The following WWP1 variants were observed in gnomAD, a reference collection of about 807,000 sequenced individuals.
WWP1 encodes NEDD4-like E3 ubiquitin-protein ligase WWP1.
In WWP1, 49 loss-of-function variants were observed where a neutral mutation model predicts 130.6. The observed-to-expected ratio is 0.38, with a 90% CI of 0.30 to 0.48. The LOEUF (loss-of-function observed/expected upper bound fraction) is 0.48, where lower values mean the gene tolerates loss of function less well. WWP1 is among the 20% of genes least tolerant of loss of function. The pLI is 0.99. For synonymous variants in WWP1, 332 were observed against 367.8 expected, an observed-to-expected ratio of 0.90 and a Z score of 1.11; for missense variants, 809 against 1,100.6, an observed-to-expected ratio of 0.74 and a Z score of 3.75.
intron 1 of WWP1, among the ~76,000 whole-genome samples, chr8:86,353,731 C>T (rs1297672349): frequency 6.6e-6 from 1 of 152,198 alleles, no homozygotes; most frequent in Admixed American, 6.5e-5. Context: ...GATCCGCCTG[C>T]CTTGGCCTTC....
At chr8:86,354,763 T>C (rs780565302) in intron 1 of WWP1, among the ~76,000 whole-genome samples, 3 of 152,124 alleles carry the variant, frequency 2.0e-5, no homozygotes, top group Non-Finnish European at 2.9e-5. Flanking sequence ...TTCTCTATAT[T>C]GTTGTGGAAG....
chr8:86,400,500 T>A (rs1807915450), intron 7 of WWP1, among the ~76,000 whole-genome samples: 1 of 152,046 alleles, frequency 6.6e-6, no homozygotes, highest in Non-Finnish European at 1.5e-5. Flanking sequence ...TGAGGAGGTA[T>A]GATTTGAGCT....
intron 16 of WWP1, among the ~76,000 whole-genome samples, chr8:86,437,783 A>G (rs1031380977): frequency 2.0e-5 from 3 of 152,202 alleles, no homozygotes; most frequent in African/African-American, 7.2e-5. Flanking sequence ...CATATTTTGT[A>G]TAATATATGT....
At chr8:86,400,830 G>T (rs1295524203) in intron 7 of WWP1, among the ~76,000 whole-genome samples, 1 of 152,152 alleles carries the variant, frequency 6.6e-6, no homozygotes, top group African/African-American at 2.4e-5. Flanking sequence ...ATGGGATAAA[G>T]GTGTGGCTGA....
chr8:86,430,795 CTCCATATATATA>C (rs1563526286), intron 12 of WWP1, 44 bp downstream of exon 12: 3 of 309,798 alleles, frequency 9.7e-6, no homozygotes, highest in South Asian at 6.2e-5. Flanking sequence ...ATATATATCT[CTCCATATATATA>C]TATATATATA....
intron 9 of WWP1, among the ~76,000 whole-genome samples, chr8:86,413,734 A>G (rs926116584): frequency 2.0e-5 from 3 of 152,226 alleles, no homozygotes; most frequent in African/African-American, 4.8e-5. Context: ...AGCAAGATAT[A>G]TAATGCTGAA....
At position 86,455,476 on chromosome 8, in the gene WWP1, G is replaced by C. The variant is rs141631701; in HGVS notation, c.2395-2445G>C. Among the ~76,000 whole-genome samples, 1,186 of 151,894 alleles carry C rather than the reference G, an allele frequency of 7.8e-3. 11 individuals carry two copies. Among genetic ancestry groups the C allele is most frequent in the Non-Finnish European group, 0.012 (811 of 67,836 alleles). On this transcript the variant is annotated intron_variant, in intron 21 of 24. Transcript: ENST00000517970. The stretch of plus-strand genomic sequence containing the variant: ...TAGAAATAATAGTGAATTTAATAAG[G>C]CATGGGTACAATGTTAATACTTTAA...
At chr8:86,436,936 A>C (rs11776698) in intron 16 of WWP1, among the ~76,000 whole-genome samples, 14 of 149,372 alleles carry the variant, frequency 9.4e-5, no homozygotes, top group Admixed American at 1.4e-4. Flanking sequence ...TGATACTTAA[A>C]CTATTATCAA....
At chr8:86,461,154 A>C (rs754713572) in intron 22 of WWP1, 70 bp from the exon 23 acceptor site, 1 of 1,358,624 alleles carries the variant, frequency 7.4e-7, no homozygotes, top group Admixed American at 1.7e-5. Context: ...AATTTCTTCA[A>C]GTGTCTACTA....
At chr8:86,408,566 C>T (rs1808404944) in intron 8 of WWP1, among the ~76,000 whole-genome samples, 1 of 152,068 alleles carries the variant, frequency 6.6e-6, no homozygotes. Context: ...CTGAATCTTC[C>T]CATTGAGAGA....
At chr8:86,412,839 T>C (rs1230003180) in intron 9 of WWP1, among the ~76,000 whole-genome samples, 2 of 152,158 alleles carry the variant, frequency 1.3e-5, no homozygotes, top group Non-Finnish European at 2.9e-5. Context: ...TCCATTATTA[T>C]TATTTTGGAG....
intron 1 of WWP1, among the ~76,000 whole-genome samples, chr8:86,362,142 T>A (rs1823679817): frequency 1.6e-5 from 2 of 123,976 alleles, no homozygotes; most frequent in Admixed American, 1.8e-4. Flanking sequence ...ATATATATAC[T>A]AGGCATATAT....
At chr8:86,389,750 C>A (rs985796400) in intron 5 of WWP1, among the ~76,000 whole-genome samples, 2 of 145,356 alleles carry the variant, frequency 1.4e-5, no homozygotes, top group South Asian at 2.2e-4. Flanking sequence ...GGCGCCCCCC[C>A]ACCCACCTCC....
At position 86,448,393 on chromosome 8, in the gene WWP1, G is replaced by A; in HGVS notation, c.2153G>A (p.Cys718Tyr). Reference sequence around the variant, plus strand: ...CCCAGAGATAACAACATTGAAGAATGTGGCTTAGAAATGTACTTTTCTGTT... The same window carrying A: ...CCCAGAGATAACAACATTGAAGAATATGGCTTAGAAATGTACTTTTCTGTT... ...IWIRDNNIEE[C>Y]GLEMYFSVDM... The change falls in exon 20 of 25, where the codon TGT (cysteine) becomes TAT (tyrosine). Residue 718 changes from cysteine (C) to tyrosine (Y), a missense_variant. Cys to Tyr is a radical substitution (Grantham distance 194). This residue lies in a region of WWP1 where 450 missense variants were observed against 674.2 expected (regional missense o/e 0.67). Coordinates refer to ENST00000517970, the MANE Select transcript of WWP1 (RefSeq NM_007013.4). 6.2e-7 allele frequency: 1 copy of A among 1,613,352 alleles called. No homozygotes were observed. Among genetic ancestry groups the A allele is most frequent in the Non-Finnish European group, 8.5e-7 (1 of 1,179,786 alleles).
chr8:86,441,578 G>A (rs937734327), intron 17 of WWP1, among the ~76,000 whole-genome samples: 2 of 152,060 alleles, frequency 1.3e-5, no homozygotes, highest in South Asian at 4.1e-4. Flanking sequence ...TAAAACACTC[G>A]ACCTGCAATC....
intron 12 of WWP1, 74 bp from the exon 13 acceptor site, chr8:86,431,331 AT>A (rs2130677498): frequency 2.5e-6 from 1 of 400,514 alleles, no homozygotes; most frequent in South Asian, 7.3e-5. Context: ...TATATTATAT[AT>A]AATTATATGT....
chr8:86,411,877 A>G lies in WWP1; in HGVS notation c.1061+3A>G. Reference sequence around the variant, plus strand: ...AACACAGAAACCTTGCCATCAGGGTATGTTAAGCTTTTTAATGTCTGACTT... The same window carrying G: ...AACACAGAAACCTTGCCATCAGGGTGTGTTAAGCTTTTTAATGTCTGACTT... On this transcript the variant is annotated splice_donor_region_variant and intron_variant, in intron 9 of 24. Coordinates refer to ENST00000517970, the MANE Select transcript of WWP1 (RefSeq NM_007013.4). 1 of 1,587,830 alleles carries G rather than the reference A, an allele frequency of 6.3e-7. No homozygotes were observed. Among genetic ancestry groups the G allele is most frequent in the South Asian group, 1.1e-5 (1 of 88,280 alleles).
At chr8:86,436,214 T>C (rs544124052) in intron 16 of WWP1, among the ~76,000 whole-genome samples, 2 of 152,334 alleles carry the variant, frequency 1.3e-5, no homozygotes, top group East Asian at 3.9e-4. Flanking sequence ...AAAATAAAGC[T>C]TAAACAGCTT....
At chr8:86,457,552 C>G (rs1184491821) in intron 21 of WWP1, among the ~76,000 whole-genome samples, 1 of 151,552 alleles carries the variant, frequency 6.6e-6, no homozygotes. Context: ...TAGATACACA[C>G]ACACATTTAG....
Sources: allele counts gnomAD v4.1 joint callset (sites outside exome capture counted in the v4.1 genomes callset), GRCh38; gene constraint gnomAD v4.1.1; regional missense constraint gnomAD v4.1.1; transcripts MANE v1.5; gene names NCBI Gene and HGNC (gene_info 2026-07-23, HGNC 2026-07-21).